Variants in RASSF10 observed in about 807,000 individuals in gnomAD.
The protein encoded by RASSF10 is Ras association domain family member 10, also known as ras association domain-containing protein 10.
A neutral mutation model predicts 41.5 loss-of-function variants in RASSF10; 22 were observed. The observed-to-expected ratio is 0.53, with a 90% CI of 0.38 to 0.76. RASSF10 has a LOEUF of 0.76. RASSF10 is among the 30% of genes least tolerant of loss of function. The probability of loss-of-function intolerance (pLI) is 0.00; values close to 1 mark genes in which losing one functional copy is unlikely to be tolerated. For synonymous variants in RASSF10, 364 were observed against 319.0 expected, an observed-to-expected ratio of 1.14 and a Z score of -1.50; for missense variants, 776 against 711.8, an observed-to-expected ratio of 1.09 and a Z score of -1.03.
rs760461957 is a variant in RASSF10 at position 13,010,682 on chromosome 11, G to C, written c.1106G>C (p.Arg369Pro). 6.3e-7 allele frequency: 1 copy of C among 1,591,462 alleles called. No homozygotes were observed. Among genetic ancestry groups the C allele is most frequent in the South Asian group, 1.1e-5 (1 of 87,830 alleles). Residue 369 changes from arginine (R) to proline (P), a missense_variant, in exon 1 of 1, where the codon CGG (arginine) becomes CCG (proline). Arg to Pro is a moderately radical substitution (Grantham distance 103). Coordinates refer to ENST00000529419, the MANE Select transcript of RASSF10 (RefSeq NM_001080521.3). The surrounding 1 kb of genome is among the most constrained non-coding windows in gnomAD (Gnocchi z 4.8). ...CGGCGCCAGGAGGAGCTGGCGGCGC[G>C]GGAGGAGCCCCTGGAGCCCGACGGT... ...MRRRQEELAA[R>P]EEPLEPDGGP...
Position 13,011,074 on chromosome 11 carries a change from T to C in RASSF10, c.1498T>C (p.Leu500=). 3.0e-6 allele frequency: 4 copies of C among 1,337,248 alleles called. No individual in the cohort carries two copies. Among genetic ancestry groups the C allele is most frequent in the South Asian group, 1.2e-5 (1 of 85,282 alleles). The allele number at this position is 1,337,248 out of a possible 1,614,324, so 82.8% of individuals were successfully genotyped here. The change falls in exon 1 of 1, where the codon TTG becomes CTG. Residue 500 remains leucine, a synonymous_variant. Transcript: ENST00000529419. ...SSMHSQDSDS[L]PMCESLV ...TATGCATAGCCAAGACTCGGACTCC[T>C]TGCCCATGTGCGAATCCCTTGTGTA...
In RASSF10 at chr11:13,010,648, T is replaced by C. The variant is rs769018272; in HGVS notation, c.1072T>C (p.Trp358Arg). The change falls in exon 1 of 1, where the codon TGG becomes CGG. Residue 358 changes from tryptophan (W) to arginine (R), a missense_variant. Transcript: ENST00000529419. This position sits in a 1 kb window ranked among gnomAD's most constrained non-coding sequence, Gnocchi z 4.8. ...GATTCAGGAGGAACTCAACCAGAGG[T>C]GGATGCGACGGCGCCAGGAGGAGCT... ...AEIQEELNQR[W>R]MRRRQEELAA... 8.8e-6 allele frequency: 14 copies of C among 1,590,788 alleles called. No individual in the cohort carries two copies. The highest frequency in any genetic ancestry group is 1.3e-5 in the African/African-American group (1 of 74,222).
Position 13,010,689 on chromosome 11 carries a change from G to C in RASSF10, c.1113G>C (p.Glu371Asp). 6.3e-7 allele frequency: 1 copy of C among 1,590,846 alleles called. No individual in the cohort carries two copies. Among genetic ancestry groups the C allele is most frequent in the Non-Finnish European group, 8.6e-7 (1 of 1,169,508 alleles). The change falls in exon 1 of 1, where the codon GAG becomes GAC. Residue 371 changes from glutamate (E) to aspartate (D), a missense_variant. By Grantham distance (45) the Glu-to-Asp change is conservative (BLOSUM62 2). Transcript: ENST00000529419. This position sits in a 1 kb window ranked among gnomAD's most constrained non-coding sequence, Gnocchi z 4.8. ...RRQEELAARE[E>D]PLEPDGGPDG... The stretch of plus-strand genomic sequence containing the variant: ...AGGAGGAGCTGGCGGCGCGGGAGGA[G>C]CCCCTGGAGCCCGACGGTGGCCCCG...
In RASSF10 at chr11:13,011,424, T is replaced by C. The variant is rs1026668289; in HGVS notation, c.*324T>C. On this transcript the variant is annotated 3_prime_UTR_variant, in exon 1 of 1. Transcript: ENST00000529419. ...CCATTTTCAAAGTAAGGAAGTATAA[T>C]GGAGATTTCGCTACTCTTCTGTATG... 1.2e-5 allele frequency: 3 copies of C among 249,658 alleles called. No homozygotes were observed. In the Admixed American group the frequency reaches 1.5e-4, roughly 12 times the overall value. The allele number at this position is 249,658 out of a possible 1,614,324, so 15.5% of individuals were successfully genotyped here. A position where few individuals can be genotyped will look rare whatever the true frequency, so the allele number is the denominator to read the frequency against.
Position 13,009,478 on chromosome 11 carries a change from C to T in RASSF10, c.-99C>T. 1 of 1,517,810 alleles carries T rather than the reference C, an allele frequency of 6.6e-7. No homozygotes were observed. The allele number at this position is 1,517,810 out of a possible 1,614,324, so 94.0% of individuals were successfully genotyped here. A position where few individuals can be genotyped will look rare whatever the true frequency, so the allele number is the denominator to read the frequency against. ...CTAGTGCAGCCGCCGGAGGGGGGCA[C>T]GGGCTCCTCTCCCATCCCAGAGCTA... On this transcript the variant is annotated 5_prime_UTR_variant, in exon 1 of 1. It adds an upstream start codon to the 5' untranslated region. Transcript: ENST00000529419.
chr11:13,010,660 C>T lies in RASSF10; in HGVS notation c.1084C>T (p.Arg362Cys), dbSNP rs1949570989. Residue 362 changes from arginine to cysteine, a missense_variant, in exon 1 of 1, where the codon CGC (arginine) becomes TGC (cysteine). Coordinates refer to ENST00000529419, the MANE Select transcript of RASSF10 (RefSeq NM_001080521.3). The surrounding 1 kb of genome is among the most constrained non-coding windows in gnomAD (Gnocchi z 4.8). ...ACTCAACCAGAGGTGGATGCGACGGCGCCAGGAGGAGCTGGCGGCGCGGGA... is the reference window on the plus strand; with the variant it reads ...ACTCAACCAGAGGTGGATGCGACGGTGCCAGGAGGAGCTGGCGGCGCGGGA... ...EELNQRWMRR[R>C]QEELAAREEP... The T allele has an allele frequency of 2.5e-6, 4 of 1,590,716 alleles. No individual in the cohort carries two copies. Among genetic ancestry groups the T allele is most frequent in the Admixed American group, 1.8e-5 (1 of 56,188 alleles).
At position 13,010,380 on chromosome 11, in the gene RASSF10, C is replaced by A; in HGVS notation, c.804C>A (p.His268Gln). 6.4e-7 allele frequency: 1 copy of A among 1,551,322 alleles called. No individual in the cohort carries two copies. Among genetic ancestry groups the A allele is most frequent in the Admixed American group, 2.0e-5 (1 of 51,010 alleles). The change falls in exon 1 of 1, where the codon CAC becomes CAA. Residue 268 changes from histidine to glutamine, a missense_variant. Physicochemically the swap from His to Gln is conservative, Grantham distance 24. Coordinates refer to ENST00000529419, the MANE Select transcript of RASSF10 (RefSeq NM_001080521.3). The surrounding 1 kb of genome is among the most constrained non-coding windows in gnomAD (Gnocchi z 4.8). ...TGCACCTGGACCGCATGCGGCGTCA[C>A]GGGGTCAACTACGTGCAGGACACTT... ...AKVHLDRMRRHGVNYVQDTYL... is the reference protein window; with the variant it reads ...AKVHLDRMRRQGVNYVQDTYL...
Position 13,009,495 on chromosome 11 carries a change from C to G in RASSF10, c.-82C>G. The G allele has an allele frequency of 6.5e-7, 1 of 1,539,668 alleles. No homozygotes were observed. Among genetic ancestry groups the G allele is most frequent in the Non-Finnish European group, 8.7e-7 (1 of 1,143,918 alleles). Reference sequence around the variant, plus strand: ...GGGGGGCACGGGCTCCTCTCCCATCCCAGAGCTACTGGGCTGCCCTTGCTG... The same window carrying G: ...GGGGGGCACGGGCTCCTCTCCCATCGCAGAGCTACTGGGCTGCCCTTGCTG... On this transcript the variant is annotated 5_prime_UTR_variant, in exon 1 of 1. Coordinates refer to ENST00000529419, the MANE Select transcript of RASSF10 (RefSeq NM_001080521.3).
In RASSF10 at chr11:13,011,073, CT is replaced by C; in HGVS notation, c.1499del (p.Leu500CysfsTer64). ...SSMHSQDSDSLPMCESLV is the reference protein window; with the variant it reads ...SSMHSQDSDSXPMCESLV ...CTATGCATAGCCAAGACTCGGACTC[CT>C]TGCCCATGTGCGAATCCCTTGTGTA... On this transcript the variant is annotated frameshift_variant, in exon 1 of 1. Coordinates refer to ENST00000529419, the MANE Select transcript of RASSF10 (RefSeq NM_001080521.3). LOFTEE classifies it high-confidence loss of function. 1.3e-6 allele frequency: 2 copies of C among 1,569,082 alleles called. No homozygotes were observed. Among genetic ancestry groups the C allele is most frequent in the Non-Finnish European group, 1.7e-6 (2 of 1,157,352 alleles).
rs1191463960 is a variant in RASSF10, at chr11:13,009,977, C to G, written c.401C>G (p.Ser134Trp). The G allele has an allele frequency of 6.4e-7, 1 of 1,552,108 alleles. No homozygotes were observed. Among genetic ancestry groups the G allele is most frequent in the African/African-American group, 1.4e-5 (1 of 73,384 alleles). Reference sequence around the variant, plus strand: ...TTCGTGCTAGTGCGCAGCGAGGCATCGCTGCCTAACGCCGGCCCCCGCAGC... The same window carrying G: ...TTCGTGCTAGTGCGCAGCGAGGCATGGCTGCCTAACGCCGGCCCCCGCAGC... ...VRFVLVRSEA[S>W]LPNAGPRSAE... is the part of the protein sequence containing the mutation. Residue 134 changes from serine (S) to tryptophan (W), a missense_variant, in exon 1 of 1, where the codon TCG becomes TGG. By Grantham distance (177) the Ser-to-Trp change is radical (BLOSUM62 -3). Coordinates refer to ENST00000529419, the MANE Select transcript of RASSF10 (RefSeq NM_001080521.3).
rs1949581226 is a variant in RASSF10, at chr11:13,011,671, T to C, written c.*571T>C. The C allele has an allele frequency of 6.6e-6, 1 of 152,522 alleles. No individual in the cohort carries two copies. Among genetic ancestry groups the C allele is most frequent in the Non-Finnish European group, 1.5e-5 (1 of 68,268 alleles). The allele number at this position is 152,522 out of a possible 1,614,324, so 9.4% of individuals were successfully genotyped here. A position where few individuals can be genotyped will look rare whatever the true frequency, so the allele number is the denominator to read the frequency against. On this transcript the variant is annotated 3_prime_UTR_variant, in exon 1 of 1. Transcript: ENST00000529419. ...TTTACATTTCTGCAGATTTGGGAAT[T>C]ACCCATCTGCTAAATCATTTGTCTT...
chr11:13,009,556 C>A lies in RASSF10; in HGVS notation c.-21C>A. 2 of 1,599,632 alleles carry A rather than the reference C, an allele frequency of 1.3e-6. No individual in the cohort carries two copies. The highest frequency in any genetic ancestry group is 2.2e-5 in the South Asian group (2 of 89,936). On this transcript the variant is annotated 5_prime_UTR_variant, in exon 1 of 1. Coordinates refer to ENST00000529419, the MANE Select transcript of RASSF10 (RefSeq NM_001080521.3). ...CCCAGCAGACCCCGGCCGGACCTGCCACCTGCGCCCTGGTTGCGCCATGGA... is the reference window on the plus strand; with the variant it reads ...CCCAGCAGACCCCGGCCGGACCTGCAACCTGCGCCCTGGTTGCGCCATGGA...
rs1949553501 is a variant in RASSF10 at position 13,009,329 on chromosome 11, C to T, written c.-248C>T. ...GGCACCTTGGGCAGAGCCAGAGCGGCGGGAGCCGGTCCTGGGCGCGTTGCC... is the reference window on the plus strand; with the variant it reads ...GGCACCTTGGGCAGAGCCAGAGCGGTGGGAGCCGGTCCTGGGCGCGTTGCC... On this transcript the variant is annotated 5_prime_UTR_variant, in exon 1 of 1. Coordinates refer to ENST00000529419, the MANE Select transcript of RASSF10 (RefSeq NM_001080521.3). 3 of 875,254 alleles carry T rather than the reference C, an allele frequency of 3.4e-6. No individual in the cohort carries two copies. Among genetic ancestry groups the T allele is most frequent in the African/African-American group, 1.7e-5 (1 of 59,794 alleles). The allele number at this position is 875,254 out of a possible 1,614,324, so 54.2% of individuals were successfully genotyped here.
rs906280607 is a variant in RASSF10, at chr11:13,009,923, C to T, written c.347C>T (p.Ala116Val). The T allele has an allele frequency of 1.9e-6, 3 of 1,597,550 alleles. No homozygotes were observed. The African/African-American group carries it at 4.0e-5, about 21-fold the overall frequency. ...ACGCGCATCTTGCGCCTCTGGGCTG[C>T]CTGGGGCGAAGAGCAAGAGAATGTG... The part of the protein sequence containing the change: ...NKTRILRLWA[A>V]WGEEQENVRF... Residue 116 changes from alanine to valine, a missense_variant, in exon 1 of 1, where the codon GCC (alanine) becomes GTC (valine). By Grantham distance (64) the Ala-to-Val change is moderately conservative. Coordinates refer to ENST00000529419, the MANE Select transcript of RASSF10 (RefSeq NM_001080521.3).
At position 13,010,387 on chromosome 11, in the gene RASSF10, AACTACGTGCAGG is replaced by A; in HGVS notation, c.814_825del (p.Tyr272_Asp275del). On this transcript the variant is annotated inframe_deletion, in exon 1 of 1. Coordinates refer to ENST00000529419, the MANE Select transcript of RASSF10 (RefSeq NM_001080521.3). This position sits in a 1 kb window ranked among gnomAD's most constrained non-coding sequence, Gnocchi z 4.8. ...GGACCGCATGCGGCGTCACGGGGTC[AACTACGTGCAGG>A]ACACTTACTTGGTTGGGGCAGGCAT... The A allele has an allele frequency of 6.4e-7, 1 of 1,551,208 alleles. No homozygotes were observed. The highest frequency in any genetic ancestry group is 1.2e-5 in the South Asian group (1 of 84,044).
chr11:13,009,988 G>T lies in RASSF10; in HGVS notation c.412G>T (p.Ala138Ser), dbSNP rs554274298. The change falls in exon 1 of 1, where the codon GCC becomes TCC. Residue 138 changes from alanine to serine, a missense_variant. Ala to Ser is a moderately conservative substitution (Grantham distance 99). Coordinates refer to ENST00000529419, the MANE Select transcript of RASSF10 (RefSeq NM_001080521.3). ...GCGCAGCGAGGCATCGCTGCCTAAC[G>T]CCGGCCCCCGCAGCGCCGAGGCGCG... is the stretch of plus-strand genomic sequence containing the variant. ...LVRSEASLPN[A>S]GPRSAEARVV... 35 of 1,546,490 alleles carry T rather than the reference G, an allele frequency of 2.3e-5. No individual in the cohort carries two copies. The East Asian group carries it at 7.3e-4, about 32-fold the overall frequency.
Position 13,009,340 on chromosome 11 carries a change from C to G in RASSF10, c.-237C>G. ...CAGAGCCAGAGCGGCGGGAGCCGGTCCTGGGCGCGTTGCCCCGGGAGCGCC... is the reference window on the plus strand; with the variant it reads ...CAGAGCCAGAGCGGCGGGAGCCGGTGCTGGGCGCGTTGCCCCGGGAGCGCC... On this transcript the variant is annotated 5_prime_UTR_variant, in exon 1 of 1. Transcript: ENST00000529419. The G allele has an allele frequency of 1.1e-6, 1 of 950,946 alleles. No homozygotes were observed. Among genetic ancestry groups the G allele is most frequent in the Non-Finnish European group, 1.6e-6 (1 of 612,874 alleles). The allele number at this position is 950,946 out of a possible 1,614,324, so 58.9% of individuals were successfully genotyped here.
In RASSF10 at chr11:13,010,546, C is replaced by A; in HGVS notation, c.970C>A (p.Arg324=). 1 of 1,534,616 alleles carries A rather than the reference C, an allele frequency of 6.5e-7. No individual in the cohort carries two copies. Residue 324 remains arginine, a synonymous_variant, in exon 1 of 1, where the codon CGG becomes AGG. Transcript: ENST00000529419. This position sits in a 1 kb window ranked among gnomAD's most constrained non-coding sequence, Gnocchi z 4.8. The part of the protein sequence containing the change: ...AQAAALEELA[R]RCDDLLRLQE... ...GGCGGCGGCGCTGGAGGAGCTGGCC[C>A]GGCGCTGCGACGACTTGCTGCGGCT... is the stretch of plus-strand genomic sequence containing the variant.
rs765303232 is a variant in RASSF10 at position 13,009,446 on chromosome 11, A to G, written c.-131A>G. On this transcript the variant is annotated 5_prime_UTR_variant, in exon 1 of 1. Coordinates refer to ENST00000529419, the MANE Select transcript of RASSF10 (RefSeq NM_001080521.3). ...GCCTGCCTTCGGTGCGCAGCGGGGG[A>G]ACAGGGCTAGTGCAGCCGCCGGAGG... 1 of 1,500,764 alleles carries G rather than the reference A, an allele frequency of 6.7e-7. No individual in the cohort carries two copies. The highest frequency in any genetic ancestry group is 1.3e-5 in the South Asian group (1 of 74,418). The allele number at this position is 1,500,764 out of a possible 1,614,324, so 93.0% of individuals were successfully genotyped here.
Sources: gnomAD v4.1 joint callset for allele counts on GRCh38, gnomAD v4.1.1 for gene constraint, Gnocchi (gnomAD v3.1) non-coding constraint, MANE v1.5 for transcripts, NCBI Gene and HGNC (gene_info 2026-07-23, HGNC 2026-07-21) for gene names.